The following FAM135A variants were observed in gnomAD, a reference collection of about 807,000 sequenced individuals.
The protein encoded by FAM135A is family with sequence similarity 135 member A.
In FAM135A, 79 loss-of-function variants were observed where a neutral mutation model predicts 146.8. That is an observed-to-expected ratio of 0.54 (90% CI 0.45 to 0.65). The LOEUF (loss-of-function observed/expected upper bound fraction) is 0.65, where lower values mean the gene tolerates loss of function less well. Among genes scored for constraint, FAM135A ranks in the 30% least tolerant of loss-of-function variants. The pLI, the probability that FAM135A is intolerant of heterozygous loss-of-function variation, is 0.00. For synonymous variants in FAM135A, 562 were observed against 603.6 expected (o/e 0.93, Z 1.01); for missense variants, 1,623 against 1,758.2 (o/e 0.92, Z 1.38).
chr6:70,477,016 A>C, intron 7 of FAM135A, 143 bp from the exon 8 acceptor site: 1 of 790,194 alleles, frequency 1.3e-6, no homozygotes, highest in South Asian at 2.3e-5. Context: ...CTTCTAATGC[A>C]ACTTTGATGC....
Position 70,428,329 on chromosome 6 carries a change from G to A in FAM135A, c.-14G>A. Reference sequence around the variant, plus strand: ...GTGCTGTTATCAGAATAGTCTTCTGGGTATAAATTAAAAATGACTGAAGTT... The same window carrying A: ...GTGCTGTTATCAGAATAGTCTTCTGAGTATAAATTAAAAATGACTGAAGTT... On this transcript the variant is annotated 5_prime_UTR_variant, in exon 4 of 22. Transcript: ENST00000418814. 4 of 1,579,356 alleles carry A rather than the reference G, an allele frequency of 2.5e-6. No individual in the cohort carries two copies. The highest frequency in any genetic ancestry group is 1.4e-5 in the African/African-American group (1 of 73,524).
intron 5 of FAM135A, among the ~76,000 whole-genome samples, chr6:70,466,822 T>A (rs74810485): frequency 1.3e-5 from 2 of 152,148 alleles, no homozygotes; most frequent in East Asian, 3.8e-4. Flanking sequence ...GAAAAGAAAT[T>A]TAGCCAAGCT....
intron 2 of FAM135A, among the ~76,000 whole-genome samples, chr6:70,421,440 T>C (rs1768834260): frequency 6.6e-6 from 1 of 152,214 alleles, no homozygotes; most frequent in Admixed American, 6.5e-5. Flanking sequence ...ACCAAGAATG[T>C]CTTTCAGATT....
At chr6:70,497,068 T>C (rs1300610062) in intron 11 of FAM135A, among the ~76,000 whole-genome samples, 1 of 152,216 alleles carries the variant, frequency 6.6e-6, no homozygotes, top group Admixed American at 6.5e-5. Context: ...TTGATGGGGA[T>C]AGCATTGAAT....
At chr6:70,428,843 A>G (rs937665264) in intron 4 of FAM135A, among the ~76,000 whole-genome samples, 1 of 152,068 alleles carries the variant, frequency 6.6e-6, no homozygotes, top group Non-Finnish European at 1.5e-5. Flanking sequence ...ATTATTAACT[A>G]TTACACTGTG....
intron 5 of FAM135A, among the ~76,000 whole-genome samples, chr6:70,464,752 C>T (rs1290623332): frequency 2.8e-5 from 4 of 141,572 alleles, no homozygotes; most frequent in East Asian, 2.0e-4. Context: ...CTGCAACCTC[C>T]GTCTTCCCAG....
rs561568927 is a variant in FAM135A at position 70,513,731 on chromosome 6, A to G, written c.1030-8782A>G. On this transcript the variant is annotated intron_variant, in intron 12 of 21. Coordinates refer to ENST00000418814, the MANE Select transcript of FAM135A (RefSeq NM_001162529.3). ...ACTTTATTGCTTTGCTAAATTTTTT[A>G]GGTAGAGTATTCTATAAATCTCAAT... Among the ~76,000 whole-genome samples, 11 of 152,148 alleles carry G rather than the reference A, an allele frequency of 7.2e-5. No individual in the cohort carries two copies. In the East Asian group the frequency reaches 2.1e-3, roughly 29 times the overall value.
At chr6:70,452,613 T>G in intron 5 of FAM135A, 42 bp downstream of exon 5, 1 of 1,444,506 alleles carries the variant, frequency 6.9e-7, no homozygotes, top group Non-Finnish European at 9.4e-7. Context: ...GTAATCTGAA[T>G]GGTCAATAAC....
intron 5 of FAM135A, among the ~76,000 whole-genome samples, chr6:70,458,518 C>T (rs1031273896): frequency 1.3e-5 from 2 of 152,104 alleles, no homozygotes; most frequent in African/African-American, 4.8e-5. Context: ...GACACTATTC[C>T]CAACATGATT....
intron 8 of FAM135A, among the ~76,000 whole-genome samples, chr6:70,478,098 ATAC>A (rs1372732363): frequency 6.6e-6 from 1 of 152,188 alleles, no homozygotes; most frequent in African/African-American, 2.4e-5. Context: ...TCATACAGTG[ATAC>A]TTGCTTTCCA....
intron 12 of FAM135A, among the ~76,000 whole-genome samples, chr6:70,516,129 G>A (rs1182585191): frequency 6.6e-6 from 1 of 152,084 alleles, no homozygotes; most frequent in Non-Finnish European, 1.5e-5. Flanking sequence ...AAGGAAGAGG[G>A]TAAGTTCTCC....
intron 4 of FAM135A, among the ~76,000 whole-genome samples, chr6:70,447,081 G>A (rs571049300): frequency 3.9e-5 from 6 of 152,324 alleles, no homozygotes; most frequent in African/African-American, 1.4e-4. Context: ...GTTAAATTGA[G>A]CGGGTTGAAT....
intron 10 of FAM135A, among the ~76,000 whole-genome samples, chr6:70,487,435 T>G (rs1784906368): frequency 6.6e-6 from 1 of 152,086 alleles, no homozygotes; most frequent in Non-Finnish European, 1.5e-5. Context: ...GCTGTAGGAA[T>G]CAAAAAGTGA....
chr6:70,558,879 T>C (rs1801405956), intron 21 of FAM135A, among the ~76,000 whole-genome samples: 1 of 152,086 alleles, frequency 6.6e-6, no homozygotes, highest in Non-Finnish European at 1.5e-5. Context: ...AATAAACCTA[T>C]AGACCAAACA....
intron 2 of FAM135A, among the ~76,000 whole-genome samples, chr6:70,424,342 A>G (rs754939034): frequency 6.6e-6 from 1 of 152,228 alleles, no homozygotes; most frequent in African/African-American, 2.4e-5. Flanking sequence ...CAGAAACATA[A>G]TAGGATTCTT....
rs148878192 is a variant in FAM135A, at chr6:70,471,621, G to A, written c.158-3789G>A. On this transcript the variant is annotated intron_variant, in intron 5 of 21. Transcript: ENST00000418814. Reference sequence around the variant, plus strand: ...AGGAAGAATACCTAGTGGATGCTGGGCCTGATAACTGTGGGATGGGATGAT... The same window carrying A: ...AGGAAGAATACCTAGTGGATGCTGGACCTGATAACTGTGGGATGGGATGAT... Among the ~76,000 whole-genome samples the A allele has an allele frequency of 2.9e-4, 44 of 152,200 alleles. No individual in the cohort carries two copies. In the East Asian group the frequency reaches 5.6e-3, roughly 19 times the overall value.
At chr6:70,512,979 T>A (rs2128299548) in intron 12 of FAM135A, among the ~76,000 whole-genome samples, 1 of 149,356 alleles carries the variant, frequency 6.7e-6, no homozygotes, top group South Asian at 2.1e-4. Flanking sequence ...TGGGTCAAGA[T>A]TCTTTCTTTT....
At chr6:70,539,102 C>T (rs1797368844) in intron 20 of FAM135A, among the ~76,000 whole-genome samples, 1 of 152,084 alleles carries the variant, frequency 6.6e-6, no homozygotes, top group South Asian at 2.1e-4. Context: ...AATTCACCCT[C>T]ATACATCTTC....
chr6:70,489,993 G>A (rs931212144), intron 10 of FAM135A, among the ~76,000 whole-genome samples: 12 of 152,104 alleles, frequency 7.9e-5, no homozygotes, highest in Admixed American at 1.3e-4. Context: ...TTGCCTGCTC[G>A]TATCTGGCCG....
Sources: gnomAD v4.1 joint callset for allele counts (sites outside exome capture counted in the v4.1 genomes callset) on GRCh38, gnomAD v4.1.1 for gene constraint, MANE v1.5 for transcripts, NCBI Gene and HGNC (gene_info 2026-07-23, HGNC 2026-07-21) for gene names.